JPH3: variants seen among roughly 807,000 people sequenced by gnomAD.
JPH3 encodes junctophilin-3.
JPH3 carries 11 observed loss-of-function variants against 59.6 expected under a neutral mutation model. The observed-to-expected ratio is 0.18, with a 90% CI of 0.12 to 0.31. JPH3 has a LOEUF of 0.31. JPH3 is among the 10% of genes least tolerant of loss of function. The pLI is 1.00. For synonymous variants in JPH3, 673 were observed against 483.6 expected (o/e 1.39, Z -5.14); for missense variants, 1,202 against 1,105.7 (o/e 1.09, Z -1.24).
chr16:87,688,519 C>T (rs894427796), intron 3 of JPH3, among the ~76,000 whole-genome samples: 1 of 140,896 alleles, frequency 7.1e-6, no homozygotes, highest in South Asian at 2.1e-4. Flanking sequence ...AAAGGTCAGA[C>T]TGGGGTACAG....
intron 4 of JPH3, chr16:87,695,363 T>G (rs1188907796): frequency 2.2e-6 from 1 of 456,088 alleles, no homozygotes; most frequent in South Asian, 1.5e-5. Flanking sequence ...TAGCCATCCC[T>G]GAGGAATGTG....
Position 87,640,021 on chromosome 16 carries a change from C to T in JPH3, c.383-4237C>T, listed in dbSNP as rs1432194071. ...CTCCTCTTTCCAGGGTCATCCTCCACTTTGCGGGGGCAGCCCACCTTCCTG... is the reference window on the plus strand; with the variant it reads ...CTCCTCTTTCCAGGGTCATCCTCCATTTTGCGGGGGCAGCCCACCTTCCTG... On this transcript the variant is annotated intron_variant, in intron 1 of 4. Coordinates refer to ENST00000284262, the MANE Select transcript of JPH3 (RefSeq NM_020655.4). Among the ~76,000 whole-genome samples the T allele has an allele frequency of 2.0e-5, 3 of 152,200 alleles. No individual in the cohort carries two copies. The East Asian group carries it at 5.8e-4, about 29-fold the overall frequency.
intron 2 of JPH3, among the ~76,000 whole-genome samples, chr16:87,668,136 C>G (rs965147535): frequency 1.3e-5 from 2 of 152,336 alleles, no homozygotes; most frequent in African/African-American, 4.8e-5. Flanking sequence ...TCTTGCCCTG[C>G]CTGAGCCTGT....
intron 2 of JPH3, among the ~76,000 whole-genome samples, chr16:87,659,498 A>G (rs1044786921): frequency 7.3e-5 from 11 of 151,206 alleles, no homozygotes; most frequent in Admixed American, 3.9e-4. Context: ...GAGGTGGGTG[A>G]ATCACTTGAG....
intron 4 of JPH3, chr16:87,695,641 C>G (rs750066395): frequency 6.6e-5 from 30 of 455,950 alleles, no homozygotes; most frequent in Non-Finnish European, 1.2e-4. Context: ...AGGAGGCGTC[C>G]ATTCCCTGTG....
intron 1 of JPH3, among the ~76,000 whole-genome samples, chr16:87,640,206 G>A (rs935856546): frequency 2.2e-4 from 34 of 151,856 alleles, no homozygotes; most frequent in African/African-American, 7.2e-4. Context: ...GTGCATGCCT[G>A]TAGTCCCAGC....
chr16:87,661,740 C>T (rs551583762), intron 2 of JPH3, among the ~76,000 whole-genome samples: 3 of 152,318 alleles, frequency 2.0e-5, no homozygotes, highest in East Asian at 1.9e-4. Flanking sequence ...CCCCGCAGGC[C>T]GCCACGGGGC....
At chr16:87,689,524 G>A (rs974260626) in intron 3 of JPH3, 122 bp from the exon 4 acceptor site, 19 of 1,062,954 alleles carry the variant, frequency 1.8e-5, no homozygotes, top group Admixed American at 1.1e-4. Flanking sequence ...GCAGCCTTTC[G>A]GTGAGTGGGA....
intron 1 of JPH3, among the ~76,000 whole-genome samples, chr16:87,613,293 G>A (rs546743206): frequency 9.9e-5 from 15 of 151,622 alleles, no homozygotes; most frequent in African/African-American, 3.6e-4. Context: ...TAGAGACGGG[G>A]TTTCACCGTG....
intron 2 of JPH3, among the ~76,000 whole-genome samples, chr16:87,648,577 G>A (rs1419730742): frequency 1.3e-5 from 2 of 152,246 alleles, no homozygotes; most frequent in South Asian, 2.1e-4. Context: ...GAAGGGAAGT[G>A]GGTTTTCCTG....
At chr16:87,671,956 G>C (rs2033027611) in intron 2 of JPH3, among the ~76,000 whole-genome samples, 1 of 152,224 alleles carries the variant, frequency 6.6e-6, no homozygotes, top group Non-Finnish European at 1.5e-5. Context: ...TTCGTCTGTG[G>C]GGGGTGGCCG....
chr16:87,608,666 C>A (rs1463323695), intron 1 of JPH3, among the ~76,000 whole-genome samples: 3 of 152,216 alleles, frequency 2.0e-5, no homozygotes, highest in African/African-American at 7.2e-5. Flanking sequence ...TCTAGGCATC[C>A]TCTTCAAGCC....
intron 2 of JPH3, among the ~76,000 whole-genome samples, chr16:87,652,954 T>C (rs113063065): frequency 0.023 from 3,571 of 152,218 alleles, 112 homozygotes; most frequent in African/African-American, 0.082. Context: ...CCAGGCAGGC[T>C]CTTCTGTCGG....
intron 1 of JPH3, among the ~76,000 whole-genome samples, chr16:87,643,225 A>G (rs945525958): frequency 3.3e-5 from 5 of 152,286 alleles, no homozygotes; most frequent in South Asian, 2.1e-4. Context: ...AGAATGTTCT[A>G]CCTTTTCAAG....
Position 87,644,238 on chromosome 16 carries a change from C to G in JPH3, c.383-20C>G, listed in dbSNP as rs1220536838. On this transcript the variant is annotated intron_variant, in intron 1 of 4. Coordinates refer to ENST00000284262, the MANE Select transcript of JPH3 (RefSeq NM_020655.4). ...CTCCTCTGTCGCTGGGCACTCACCC[C>G]TCTCTCATTTTCTCCCCAGGGACCT... is the stretch of plus-strand genomic sequence containing the variant. 3.2e-6 allele frequency: 5 copies of G among 1,585,304 alleles called. No individual in the cohort carries two copies. The highest frequency in any genetic ancestry group is 2.3e-5 in the South Asian group (2 of 86,138).
intron 1 of JPH3, among the ~76,000 whole-genome samples, chr16:87,633,379 G>T (rs2031626822): frequency 6.6e-6 from 1 of 151,142 alleles, no homozygotes; most frequent in East Asian, 1.9e-4. Context: ...GATGCCGGGG[G>T]TGGGGGTGGG....
intron 1 of JPH3, among the ~76,000 whole-genome samples, chr16:87,643,927 A>G (rs115471761): frequency 6.6e-6 from 1 of 152,108 alleles, no homozygotes; most frequent in Non-Finnish European, 1.5e-5. Context: ...ACTTGAGCCC[A>G]TGAGTTAGAA....
At chr16:87,678,861 G>GCGCCAGCAGC (rs537732049) in intron 2 of JPH3, among the ~76,000 whole-genome samples, 1 of 152,226 alleles carries the variant, frequency 6.6e-6, no homozygotes, top group African/African-American at 2.4e-5. Flanking sequence ...AACGCCGAGG[G>GCGCCAGCAGC]CGCCAGCAGC....
chr16:87,637,433 T>TGC (rs775922608), intron 1 of JPH3, among the ~76,000 whole-genome samples: 2,483 of 151,738 alleles, frequency 0.016, 24 homozygotes, highest in Non-Finnish European at 0.023. Flanking sequence ...TGTGTGTGTG[T>TGC]GTGTGTGTGT....
Sources: gnomAD v4.1 joint callset for allele counts (sites outside exome capture counted in the v4.1 genomes callset) on GRCh38, gnomAD v4.1.1 for gene constraint, MANE v1.5 for transcripts, NCBI Gene and HGNC (gene_info 2026-07-23, HGNC 2026-07-21) for gene names.